The following IKBIP variants were observed in gnomAD, a reference collection of about 807,000 sequenced individuals.
IKBIP encodes the protein IKBKB interacting protein.
In IKBIP, 28 loss-of-function variants were observed where a neutral mutation model predicts 31.0. That is an observed-to-expected ratio of 0.90 (90% confidence interval 0.67 to 1.24). IKBIP has a LOEUF of 1.24. IKBIP is among the 50% of genes most tolerant of loss of function. The probability of loss-of-function intolerance (pLI) is 0.00; values close to 1 mark genes in which losing one functional copy is unlikely to be tolerated. For missense variants in IKBIP, 453 were observed against 441.9 expected, an observed-to-expected ratio of 1.03 and a Z score of -0.23; for synonymous variants, 164 against 160.3, an observed-to-expected ratio of 1.02 and a Z score of -0.17.
chr12:98,642,138 T>C (rs1403418247), intron 1 of IKBIP, among the ~76,000 whole-genome samples: 1 of 152,206 alleles, frequency 6.6e-6, no homozygotes, highest in African/African-American at 2.4e-5. Flanking sequence ...TATCCCAGGA[T>C]AGTAACTAAC....
downstream of IKBIP, among the ~76,000 whole-genome samples, chr12:98,621,228 G>A (rs1428798573): frequency 5.3e-5 from 8 of 152,128 alleles, no homozygotes; most frequent in East Asian, 5.8e-4. Flanking sequence ...CAGCCTGGGC[G>A]ACACAGCAAG....
chr12:98,639,678 C>T (rs996928910), intron 1 of IKBIP, among the ~76,000 whole-genome samples: 7 of 152,120 alleles, frequency 4.6e-5, no homozygotes, highest in Admixed American at 1.3e-4. Flanking sequence ...CCTTTAGGAA[C>T]GTTAAATGGT....
At chr12:98,615,725 T>C (rs1306572507) in intron 2 of IKBIP, among the ~76,000 whole-genome samples, 1 of 152,190 alleles carries the variant, frequency 6.6e-6, no homozygotes, top group Non-Finnish European at 1.5e-5. Flanking sequence ...TTTTCTAGAT[T>C]CCACATATAA....
intron 1 of IKBIP, among the ~76,000 whole-genome samples, chr12:98,643,031 C>A (rs2097632039): frequency 6.6e-6 from 1 of 152,100 alleles, no homozygotes; most frequent in African/African-American, 2.4e-5. Flanking sequence ...CAGCTCACTG[C>A]AACCTCCACC....
chr12:98,644,747 G>T lies in IKBIP; in HGVS notation c.-46C>A. On this transcript the variant is annotated 5_prime_UTR_variant, in exon 1 of 3. It adds an upstream start codon to the 5' untranslated region. Coordinates refer to ENST00000299157, the MANE Select transcript of IKBIP (RefSeq NM_153687.4). Reference sequence around the variant, plus strand: ...CAAGCCCAGGGCAGCTTCTTCACCAGGGGGAGCAGGACGTGGCCGCCTTGG... The same window carrying T: ...CAAGCCCAGGGCAGCTTCTTCACCATGGGGAGCAGGACGTGGCCGCCTTGG... 1 of 1,567,280 alleles carries T rather than the reference G, an allele frequency of 6.4e-7. No homozygotes were observed. Among genetic ancestry groups the T allele is most frequent in the Non-Finnish European group, 8.6e-7 (1 of 1,163,394 alleles).
In IKBIP at chr12:98,626,222, T is replaced by A. The variant is rs201810817; in HGVS notation, c.842A>T (p.His281Leu). The part of the protein sequence containing the change: ...THLPTIESAI[H>L]SVLRVSQDLI... ...ATCCTGAGAGACTCTGAGAACAGAG[T>A]GAATAGCACTTTCAATTGTTGGCAA... The change falls in exon 3 of 3, where the codon CAC becomes CTC. Residue 281 changes from histidine to leucine, a missense_variant. His to Leu is a moderately conservative substitution (Grantham distance 99). Coordinates refer to ENST00000299157, the MANE Select transcript of IKBIP (RefSeq NM_153687.4). 1 of 1,614,172 alleles carries A rather than the reference T, an allele frequency of 6.2e-7. No homozygotes were observed. Among genetic ancestry groups the A allele is most frequent in the South Asian group, 1.1e-5 (1 of 91,082 alleles).
chr12:98,636,621 C>T (rs918010922), intron 1 of IKBIP, among the ~76,000 whole-genome samples: 5 of 152,246 alleles, frequency 3.3e-5, no homozygotes, highest in African/African-American at 1.2e-4. Flanking sequence ...TTCTATTATA[C>T]GGGATCCCAG....
intron 1 of IKBIP, among the ~76,000 whole-genome samples, chr12:98,636,922 A>G (rs901604098): frequency 1.6e-4 from 25 of 151,824 alleles, no homozygotes; most frequent in African/African-American, 5.5e-4. Flanking sequence ...CAGGGGGGAA[A>G]AAAAAAAAGT....
rs1170512799 is a variant in IKBIP, at chr12:98,626,134, A to G, written c.930T>C (p.Asp310=). 6.2e-7 allele frequency: 1 copy of G among 1,610,338 alleles called. No individual in the cohort carries two copies. Among genetic ancestry groups the G allele is most frequent in the Admixed American group, 1.7e-5 (1 of 59,740 alleles). The change falls in exon 3 of 3, where the codon GAT becomes GAC. Residue 310 remains aspartate, a synonymous_variant. Transcript: ENST00000299157. ...TTATTTCAGACACTGCTTTCAGCAT[A>G]TCATCTTCCATATTAAACATCTGCA... ...LTMQMFNMED[D]MLKAVSEIME...
chr12:98,631,980 C>T (rs1275453324), intron 2 of IKBIP, among the ~76,000 whole-genome samples: 6 of 150,998 alleles, frequency 4.0e-5, no homozygotes, highest in African/African-American at 9.7e-5. Context: ...CTCAGCCTCC[C>T]GAGTAGCTGG....
chr12:98,631,803 GA>G (rs1274705150), intron 2 of IKBIP, among the ~76,000 whole-genome samples: 66 of 129,188 alleles, frequency 5.1e-4, no homozygotes, highest in Middle Eastern at 3.8e-3. Context: ...AAAAAAAAAA[GA>G]AAAAAAAAAA....
In IKBIP at chr12:98,634,290, G is replaced by A; in HGVS notation, c.297+6C>T. ...AACCGTCCCAGATAAGCCAATTAAT[G>A]ATTACCTTTTCTGAAATTAAACTGA... On this transcript the variant is annotated splice_donor_region_variant and intron_variant, in intron 2 of 2. Transcript: ENST00000299157. 1 of 1,357,232 alleles carries A rather than the reference G, an allele frequency of 7.4e-7. No individual in the cohort carries two copies. The highest frequency in any genetic ancestry group is 1.1e-6 in the Non-Finnish European group (1 of 948,842). The allele number at this position is 1,357,232 out of a possible 1,614,324, so 84.1% of individuals were successfully genotyped here.
chr12:98,630,847 T>C (rs2097619426), intron 2 of IKBIP, among the ~76,000 whole-genome samples: 1 of 152,204 alleles, frequency 6.6e-6, no homozygotes, highest in African/African-American at 2.4e-5. Context: ...TAGGGCCACC[T>C]TTGTGAAAAG....
At chr12:98,640,204 A>G (rs1487280303) in intron 1 of IKBIP, among the ~76,000 whole-genome samples, 1 of 152,214 alleles carries the variant, frequency 6.6e-6, no homozygotes, top group Non-Finnish European at 1.5e-5. Flanking sequence ...TGGGAGGCTG[A>G]GGTGGACAGA....
chr12:98,635,108 C>T (rs1050574114), intron 1 of IKBIP, among the ~76,000 whole-genome samples: 3 of 151,380 alleles, frequency 2.0e-5, no homozygotes, highest in Non-Finnish European at 2.9e-5. Context: ...TGGGTTCAAG[C>T]GATTCTCCTC....
At chr12:98,614,078 G>T in exon 3 of IKBIP, 1 of 1,612,594 alleles carries the variant, frequency 6.2e-7, no homozygotes, top group Non-Finnish European at 8.5e-7. Context: ...TATTACATCA[G>T]TTACTAAACC....
intron 2 of IKBIP, among the ~76,000 whole-genome samples, chr12:98,618,603 G>A (rs1265800618): frequency 1.3e-5 from 2 of 149,918 alleles, no homozygotes; most frequent in Non-Finnish European, 3.0e-5. Context: ...TCCAGCCTGG[G>A]CGACAGAGCC....
intron 2 of IKBIP, among the ~76,000 whole-genome samples, chr12:98,633,510 C>CTTTTTTTTTTTTT (rs71432181): frequency 2.6e-4 from 16 of 61,390 alleles, no homozygotes; most frequent in East Asian, 6.0e-4. Context: ...TTTTTTAATT[C>CTTTTTTTTTTTTT]TTTTTTTTTT....
chr12:98,630,932 C>T (rs1051736061), intron 2 of IKBIP, among the ~76,000 whole-genome samples: 11 of 43,194 alleles, frequency 2.5e-4, no homozygotes, highest in East Asian at 1.6e-3. Flanking sequence ...TCTTTTTTTT[C>T]TTTTCATTTT....
Sources: gnomAD v4.1 joint callset for allele counts (sites outside exome capture counted in the v4.1 genomes callset) on GRCh38, gnomAD v4.1.1 for gene constraint, MANE v1.5 for transcripts, NCBI Gene and HGNC (gene_info 2026-07-23, HGNC 2026-07-21) for gene names.